Variants in SKI observed in about 807,000 individuals in gnomAD.
SKI encodes the protein ski oncogene.
A neutral mutation model predicts 59.3 loss-of-function variants in SKI; 23 were observed. The ratio of observed to expected loss-of-function variants is 0.39; its 90% confidence interval spans 0.28 to 0.55. The LOEUF (loss-of-function observed/expected upper bound fraction) is 0.55, where lower values mean the gene tolerates loss of function less well. Among genes scored for constraint, SKI ranks in the 20% least tolerant of loss-of-function variants. SKI has a pLI of 0.67. For synonymous variants in SKI, 673 were observed against 488.6 expected, an observed-to-expected ratio of 1.38 and a Z score of -4.98; for missense variants, 1,017 against 1,038.9, an observed-to-expected ratio of 0.98 and a Z score of 0.29.
intron 1 of SKI, among the ~76,000 whole-genome samples, chr1:2,280,385 A>AT (rs2100870867): frequency 6.6e-6 from 1 of 151,630 alleles, no homozygotes; most frequent in South Asian, 2.1e-4. Context: ...CAAAAAAAAA[A>AT]AAAGTCTGAC....
At chr1:2,235,587 C>T (rs1008926789) in intron 1 of SKI, among the ~76,000 whole-genome samples, 5 of 152,218 alleles carry the variant, frequency 3.3e-5, no homozygotes, top group African/African-American at 1.2e-4. Flanking sequence ...CCAGAGCCTG[C>T]ATGTTGGTTT....
chr1:2,266,068 T>A (rs1639494528), intron 1 of SKI, among the ~76,000 whole-genome samples: 1 of 152,208 alleles, frequency 6.6e-6, no homozygotes, highest in Admixed American at 6.5e-5. Context: ...TTTTGTGATT[T>A]TTTTTTAGGT....
In SKI at chr1:2,308,108, C is replaced by T. The variant is rs925738686; in HGVS notation, c.*1343C>T. The T allele has an allele frequency of 6.6e-6, 1 of 152,320 alleles. No homozygotes were observed. Among genetic ancestry groups the T allele is most frequent in the African/African-American group, 2.4e-5 (1 of 41,540 alleles). 9.4% of individuals were successfully genotyped at this position (152,320 alleles called of 1,614,324 possible). A position where few individuals can be genotyped will look rare whatever the true frequency, so the allele number is the denominator to read the frequency against. Reference sequence around the variant, plus strand: ...ATGCCCAAGCTTGAAAAATGATTTCCCAGTAGACAAGAGGCGGCTACCTAT... The same window carrying T: ...ATGCCCAAGCTTGAAAAATGATTTCTCAGTAGACAAGAGGCGGCTACCTAT... On this transcript the variant is annotated 3_prime_UTR_variant, in exon 7 of 7. Transcript: ENST00000378536.
intron 1 of SKI, among the ~76,000 whole-genome samples, chr1:2,298,921 T>TG (rs1640355229): frequency 6.6e-6 from 1 of 152,172 alleles, no homozygotes; most frequent in Admixed American, 6.5e-5. Context: ...AGTCTTGCCC[T>TG]GGGGGGTCCT....
rs975674906 is a variant in SKI, at chr1:2,269,683, C to T, written c.970-33295C>T. The stretch of plus-strand genomic sequence containing the variant: ...CCTTGTTGGTTGCTGTTAAGCCAGC[C>T]TTGGGCACCAGGGACAGTGGGGACG... On this transcript the variant is annotated intron_variant, in intron 1 of 6. Coordinates refer to ENST00000378536, the MANE Select transcript of SKI (RefSeq NM_003036.4). This position sits in a 1 kb window ranked among gnomAD's most constrained non-coding sequence, Gnocchi z 4.7. Among the ~76,000 whole-genome samples the T allele has an allele frequency of 6.6e-6, 1 of 152,248 alleles. No individual in the cohort carries two copies. Among genetic ancestry groups the T allele is most frequent in the African/African-American group, 2.4e-5 (1 of 41,474 alleles).
chr1:2,242,065 T>A lies in SKI; in HGVS notation c.969+12330T>A, dbSNP rs263526. The stretch of plus-strand genomic sequence containing the variant: ...TGAGCCTGGCAGAGTCAATATCTTG[T>A]TGGGAGGCAGCAGGCCAGGAGAGAG... On this transcript the variant is annotated intron_variant, in intron 1 of 6. Transcript: ENST00000378536. Among the ~76,000 whole-genome samples, 5 of 151,932 alleles carry A rather than the reference T, an allele frequency of 3.3e-5. No individual in the cohort carries two copies. The East Asian group carries it at 5.8e-4, about 18-fold the overall frequency.
Position 2,282,745 on chromosome 1 carries a change from G to A in SKI, c.970-20233G>A, listed in dbSNP as rs369699732. Among the ~76,000 whole-genome samples, 21 of 152,136 alleles carry A rather than the reference G, an allele frequency of 1.4e-4. 1 individual carries two copies. The East Asian group carries it at 1.9e-3, about 14-fold the overall frequency. On this transcript the variant is annotated intron_variant, in intron 1 of 6. Transcript: ENST00000378536. ...AAAAGGTCAGGAGGCTGGGCTCCCCGTCAAGGAGCGGTTTCCAGGGACACC... is the reference window on the plus strand; with the variant it reads ...AAAAGGTCAGGAGGCTGGGCTCCCCATCAAGGAGCGGTTTCCAGGGACACC...
intron 1 of SKI, among the ~76,000 whole-genome samples, chr1:2,242,655 G>T (rs762035946): frequency 2.6e-5 from 4 of 152,170 alleles, no homozygotes; most frequent in Non-Finnish European, 5.9e-5. Context: ...GAGTAGCCGG[G>T]ACTGTAGGTG....
chr1:2,271,106 C>G (rs1180013793), intron 1 of SKI, among the ~76,000 whole-genome samples: 1 of 152,168 alleles, frequency 6.6e-6, no homozygotes, highest in South Asian at 2.1e-4. Flanking sequence ...TTGGGGTTTC[C>G]TGATGGGTGT....
chr1:2,304,032 G>A lies in SKI; in HGVS notation c.1404G>A (p.Leu468=), dbSNP rs1640497872. 1.2e-6 allele frequency: 2 copies of A among 1,612,360 alleles called. No homozygotes were observed. Among genetic ancestry groups the A allele is most frequent in the South Asian group, 2.2e-5 (2 of 91,052 alleles). Residue 468 remains leucine (L), a synonymous_variant, in exon 4 of 7, where the codon CTG becomes CTA. Transcript: ENST00000378536. ...ACACCCCAGGAGCCCCAGAGACGCT[G>A]GCGCCCGTGGCTGCCCCAGAGGAGG... The part of the protein sequence containing the change: ...TVDTPGAPET[L]APVAAPEEDK...
In SKI at chr1:2,303,302, C is replaced by T; in HGVS notation, c.1113C>T (p.His371=). Residue 371 remains histidine, a synonymous_variant, in exon 3 of 7, where the codon CAC becomes CAT. Transcript: ENST00000378536. The surrounding 1 kb of genome is among the most constrained non-coding windows in gnomAD (Gnocchi z 5.6). ...GSSNKSLGCV[H]PRQRLSAFRP... ...CTCGACAGAGCCTGGGCTGTGTTCA[C>T]CCTCGCCAGCGCCTCTCTGCTTTCC... 4.3e-6 allele frequency: 7 copies of T among 1,613,766 alleles called. No individual in the cohort carries two copies. The highest frequency in any genetic ancestry group is 5.9e-6 in the Non-Finnish European group (7 of 1,180,034).
chr1:2,233,541 C>G (rs1048629061), intron 1 of SKI, among the ~76,000 whole-genome samples: 1 of 151,998 alleles, frequency 6.6e-6, no homozygotes, highest in Admixed American at 6.6e-5. Flanking sequence ...GGTTGAGGGT[C>G]GCTTGGTTGG....
intron 1 of SKI, among the ~76,000 whole-genome samples, chr1:2,234,922 G>T (rs185076740): frequency 1.3e-5 from 2 of 152,074 alleles, no homozygotes; most frequent in East Asian, 1.9e-4. Flanking sequence ...GTGTCATGGA[G>T]GGGGGGCTGC....
intron 1 of SKI, among the ~76,000 whole-genome samples, chr1:2,282,004 C>T (rs61759157): frequency 0.014 from 50 of 3,640 alleles, no homozygotes; most frequent in Admixed American, 0.018. Flanking sequence ...AGAAGACAGG[C>T]GGTGGCGGAG....
At position 2,306,018 on chromosome 1, in the gene SKI, A is replaced by C; in HGVS notation, c.1768-2A>C. 1 of 1,572,148 alleles carries C rather than the reference A, an allele frequency of 6.4e-7. No homozygotes were observed. Among genetic ancestry groups the C allele is most frequent in the Non-Finnish European group, 8.6e-7 (1 of 1,159,966 alleles). ...TGACCCCGAGCCGCCTCCGGCCCCC[A>C]GGAGCTGGAGTTCCTACGCGTGGCC... On this transcript the variant is annotated splice_acceptor_variant, in intron 5 of 6. Transcript: ENST00000378536. LOFTEE classifies it high-confidence loss of function.
chr1:2,241,668 C>T (rs888514274), intron 1 of SKI, among the ~76,000 whole-genome samples: 16 of 152,210 alleles, frequency 1.1e-4, no homozygotes, highest in African/African-American at 3.9e-4. Flanking sequence ...GCTAGGATTA[C>T]AGGTGTGAGC....
intron 1 of SKI, among the ~76,000 whole-genome samples, chr1:2,230,850 A>C (rs1429009524): frequency 6.6e-6 from 1 of 152,186 alleles, no homozygotes; most frequent in Non-Finnish European, 1.5e-5. Context: ...TAGATGCTCC[A>C]GCCCGGTTTT....
intron 1 of SKI, among the ~76,000 whole-genome samples, chr1:2,243,661 C>G (rs1057153789): frequency 1.3e-5 from 2 of 152,166 alleles, no homozygotes; most frequent in Non-Finnish European, 2.9e-5. Flanking sequence ...CAAAGCGTCC[C>G]AACACTCCCT....
intron 1 of SKI, among the ~76,000 whole-genome samples, chr1:2,238,310 C>A (rs1003238496): frequency 1.3e-5 from 2 of 152,226 alleles, no homozygotes; most frequent in Admixed American, 6.5e-5. Context: ...TTTATGGTTT[C>A]CCAGATGACT....
Sources: gnomAD v4.1 joint callset for allele counts (sites outside exome capture counted in the v4.1 genomes callset) on GRCh38, gnomAD v4.1.1 for gene constraint, Gnocchi (gnomAD v3.1) non-coding constraint, MANE v1.5 for transcripts, NCBI Gene and HGNC (gene_info 2026-07-23, HGNC 2026-07-21) for gene names.